Variants in PPP3CA observed in about 807,000 individuals in gnomAD.
The protein encoded by PPP3CA is protein phosphatase 3 catalytic subunit alpha, also known as CAM-PRP catalytic subunit.
In PPP3CA, 14 loss-of-function variants were observed where a neutral mutation model predicts 66.5. The ratio of observed to expected loss-of-function variants is 0.21; its 90% CI spans 0.14 to 0.33. The LOEUF (loss-of-function observed/expected upper bound fraction) is 0.33. Among genes scored for constraint, PPP3CA ranks in the 10% least tolerant of loss-of-function variants. The pLI is 1.00. For missense variants in PPP3CA, 317 were observed against 639.5 expected, an observed-to-expected ratio of 0.50 and a Z score of 5.44; for synonymous variants, 232 against 226.2, an observed-to-expected ratio of 1.03 and a Z score of -0.23.
chr4:101,281,382 A>C (rs986932431), intron 1 of PPP3CA, among the ~76,000 whole-genome samples: 4 of 152,348 alleles, frequency 2.6e-5, no homozygotes, highest in African/African-American at 9.6e-5. Flanking sequence ...GTATGATCCA[A>C]CAAAGAATAG....
intron 1 of PPP3CA, among the ~76,000 whole-genome samples, chr4:101,335,994 C>A (rs1450360988): frequency 3.9e-5 from 6 of 151,932 alleles, no homozygotes; most frequent in African/African-American, 1.2e-4. Context: ...CACCTGAGGT[C>A]AGGAGTTCAA....
At chr4:101,212,404 C>T (rs757081748) in intron 1 of PPP3CA, among the ~76,000 whole-genome samples, 1 of 152,054 alleles carries the variant, frequency 6.6e-6, no homozygotes, top group Non-Finnish European at 1.5e-5. Context: ...AAAGTAGGAA[C>T]TGAATGATGA....
At chr4:101,080,898 T>C (rs925323176) in intron 7 of PPP3CA, among the ~76,000 whole-genome samples, 3 of 152,154 alleles carry the variant, frequency 2.0e-5, no homozygotes, top group Non-Finnish European at 2.9e-5. Context: ...GTGGAATTCA[T>C]TGGAAAATCA....
chr4:101,061,277 T>C (rs1728451445), intron 9 of PPP3CA, 116 bp from the exon 10 acceptor site: 1 of 840,546 alleles, frequency 1.2e-6, no homozygotes, highest in African/African-American at 1.7e-5. Flanking sequence ...AGTTTGTATA[T>C]AGAAGCAGTT....
At position 101,236,927 on chromosome 4, in the gene PPP3CA, T is replaced by A. The variant is rs545285769; in HGVS notation, c.59-40811A>T. 1.0e-3 allele frequency among the ~76,000 whole-genome samples: 157 copies of A among 151,520 alleles called. 3 individuals are homozygous for A. In the South Asian group the frequency reaches 0.031, roughly 30 times the overall value. On this transcript the variant is annotated intron_variant, in intron 1 of 13. Transcript: ENST00000394854. ...GAAGACTCTAGATTTAGTATCTTCA[T>A]CTGTAAAATGGCGATAATAGAGCAT...
rs1227730298 is a variant in PPP3CA at position 101,124,663 on chromosome 4, CAGAAAGAAAGAAAGAAAGAAAGAA to C, written c.260-15609_260-15586del. On this transcript the variant is annotated intron_variant, in intron 2 of 13. Coordinates refer to ENST00000394854, the MANE Select transcript of PPP3CA (RefSeq NM_000944.5). ...AGAAAGAAAGAGAGGGAGAGAGAGA[CAGAAAGAAAGAAAGAAAGAAAGAA>C]AGAAAGAAAGAAAGAAAGAAAGAAA... 5.1e-3 allele frequency among the ~76,000 whole-genome samples: 284 copies of C among 55,220 alleles called. 3 individuals are homozygous for C. Among genetic ancestry groups the C allele is most frequent in the African/African-American group, 0.015 (242 of 15,832 alleles). 36.2% of individuals were successfully genotyped at this position (55,220 alleles called of 152,430 possible). A position where few individuals can be genotyped will look rare whatever the true frequency, so the allele number is the denominator to read the frequency against.
chr4:101,179,214 TTGGTTCCTAGAG>T (rs1560643465), intron 2 of PPP3CA, among the ~76,000 whole-genome samples: 1 of 151,862 alleles, frequency 6.6e-6, no homozygotes, highest in Admixed American at 6.6e-5. Context: ...AAGTGTAATA[TTGGTTCCTAGAG>T]TGGTTCCTAG....
chr4:101,190,510 A>T (rs1724563251), intron 2 of PPP3CA, among the ~76,000 whole-genome samples: 1 of 152,190 alleles, frequency 6.6e-6, no homozygotes, highest in Non-Finnish European at 1.5e-5. Flanking sequence ...ATGTTTATTG[A>T]TGTTAATAGA....
intron 1 of PPP3CA, among the ~76,000 whole-genome samples, chr4:101,216,154 G>A (rs1249824479): frequency 6.6e-6 from 1 of 152,076 alleles, no homozygotes; most frequent in Non-Finnish European, 1.5e-5. Context: ...GAATGCAAAG[G>A]AAAGATATTT....
intron 1 of PPP3CA, among the ~76,000 whole-genome samples, chr4:101,261,735 T>C (rs188276465): frequency 2.0e-5 from 3 of 152,198 alleles, no homozygotes; most frequent in Admixed American, 1.3e-4. Flanking sequence ...TCTAATTAAC[T>C]GTGAGCTCTG....
chr4:101,336,158 T>C (rs1216858863), intron 1 of PPP3CA, among the ~76,000 whole-genome samples: 1 of 150,230 alleles, frequency 6.7e-6, no homozygotes, highest in Non-Finnish European at 1.5e-5. Flanking sequence ...GAGCTTGCAA[T>C]GAGCCAAGAT....
intron 2 of PPP3CA, among the ~76,000 whole-genome samples, chr4:101,129,886 T>C (rs139431785): frequency 0.01 from 1,585 of 152,208 alleles, 27 homozygotes; most frequent in African/African-American, 0.036. Flanking sequence ...CAAAGCTGGA[T>C]GGAGAATGAG....
At chr4:101,236,894 A>C (rs1363069979) in intron 1 of PPP3CA, among the ~76,000 whole-genome samples, 2 of 151,638 alleles carry the variant, frequency 1.3e-5, no homozygotes, top group African/African-American at 4.8e-5. Context: ...TCTGCCTACT[A>C]GTTATATGAA....
intron 2 of PPP3CA, among the ~76,000 whole-genome samples, chr4:101,175,492 C>T (rs1371818484): frequency 6.6e-6 from 1 of 152,166 alleles, no homozygotes; most frequent in Non-Finnish European, 1.5e-5. Flanking sequence ...TTTCAACATA[C>T]TACCTGATTT....
intron 6 of PPP3CA, among the ~76,000 whole-genome samples, chr4:101,086,159 G>C (rs577709089): frequency 6.6e-6 from 1 of 152,006 alleles, no homozygotes; most frequent in Non-Finnish European, 1.5e-5. Context: ...GTTTTATAAA[G>C]ATATTATAAA....
chr4:101,085,708 A>G (rs1280550816), intron 6 of PPP3CA, among the ~76,000 whole-genome samples: 1 of 152,166 alleles, frequency 6.6e-6, no homozygotes, highest in Non-Finnish European at 1.5e-5. Context: ...TGAACTATTT[A>G]CCTAGGATAT....
At chr4:101,122,117 G>T (rs1319526992) in intron 2 of PPP3CA, among the ~76,000 whole-genome samples, 1 of 152,162 alleles carries the variant, frequency 6.6e-6, no homozygotes, top group East Asian at 1.9e-4. Context: ...TGAAATGGTT[G>T]CTGTAGCAGG....
intron 8 of PPP3CA, among the ~76,000 whole-genome samples, chr4:101,065,079 T>C (rs114207424): frequency 0.015 from 2,322 of 152,134 alleles, 35 homozygotes; most frequent in Non-Finnish European, 0.023. Context: ...GGAATACTAA[T>C]TCCTGCATAT....
At chr4:101,121,416 T>A (rs1281868224) in intron 2 of PPP3CA, among the ~76,000 whole-genome samples, 1 of 152,124 alleles carries the variant, frequency 6.6e-6, no homozygotes, top group African/African-American at 2.4e-5. Flanking sequence ...TTTTAGATGT[T>A]CTTAATACAT....
Sources: allele counts gnomAD v4.1 joint callset (sites outside exome capture counted in the v4.1 genomes callset), GRCh38; gene constraint gnomAD v4.1.1; transcripts MANE v1.5; gene names NCBI Gene and HGNC (gene_info 2026-07-23, HGNC 2026-07-21).